Variants in NRXN3 observed in about 807,000 individuals in gnomAD.
NRXN3 encodes neurexin 3, also known as neurexin III.
In NRXN3, 32 loss-of-function variants were observed where a neutral mutation model predicts 137.6. The ratio of observed to expected loss-of-function variants is 0.23; its 90% CI spans 0.18 to 0.31. NRXN3 has a LOEUF of 0.31. Ranked by LOEUF, NRXN3 falls within the 10% of genes least tolerant of loss-of-function variation. The pLI is 1.00. For synonymous variants in NRXN3, 798 were observed against 784.5 expected (o/e 1.02, Z -0.29); for missense variants, 1,574 against 2,062.5 (o/e 0.76, Z 4.59).
intron 15 of NRXN3, among the ~76,000 whole-genome samples, chr14:79,034,087 G>T (rs1427942030): frequency 6.6e-6 from 1 of 151,938 alleles, no homozygotes; most frequent in East Asian, 1.9e-4. Context: ...AAACCCCAGG[G>T]TCACTTAATT....
At chr14:79,271,484 C>T (rs925845852) in intron 15 of NRXN3, among the ~76,000 whole-genome samples, 4 of 133,788 alleles carry the variant, frequency 3.0e-5, no homozygotes, top group Non-Finnish European at 6.4e-5. Context: ...CTTACCTTCC[C>T]CCTTCCTGTC....
chr14:79,432,118 C>T (rs1391185044), intron 15 of NRXN3, among the ~76,000 whole-genome samples: 1 of 3,404 alleles, frequency 2.9e-4, no homozygotes, highest in Non-Finnish European at 9.6e-4. Flanking sequence ...TATCTCATCT[C>T]AATCATTTTT....
At chr14:78,494,487 G>C (rs1212402534) in intron 4 of NRXN3, among the ~76,000 whole-genome samples, 1 of 137,466 alleles carries the variant, frequency 7.3e-6, no homozygotes, top group Non-Finnish European at 1.5e-5. Context: ...AAAAATGTCT[G>C]AGTCACCAGA....
At chr14:78,398,214 C>T (rs1400078865) in intron 4 of NRXN3, among the ~76,000 whole-genome samples, 4 of 128,218 alleles carry the variant, frequency 3.1e-5, no homozygotes, top group Non-Finnish European at 3.3e-5. Flanking sequence ...AACTCTGTTT[C>T]AAAAAAAAAA....
intron 10 of NRXN3, among the ~76,000 whole-genome samples, chr14:78,835,039 T>G (rs1346772440): frequency 6.6e-6 from 1 of 152,152 alleles, no homozygotes; most frequent in Non-Finnish European, 1.5e-5. Context: ...TTCTCTGTAT[T>G]GTGTATCACT....
At chr14:78,710,974 A>T (rs2098402319) in intron 7 of NRXN3, among the ~76,000 whole-genome samples, 1 of 152,170 alleles carries the variant, frequency 6.6e-6, no homozygotes, top group African/African-American at 2.4e-5. Context: ...AACACCCAAA[A>T]AATTAATTTC....
chr14:78,186,431 A>C (rs1484677987), intron 1 of NRXN3, among the ~76,000 whole-genome samples: 1 of 152,204 alleles, frequency 6.6e-6, no homozygotes, highest in Non-Finnish European at 1.5e-5. Flanking sequence ...GTGTACATGC[A>C]TAGCTCCTCT....
intron 4 of NRXN3, among the ~76,000 whole-genome samples, chr14:78,462,090 C>T (rs73316456): frequency 0.022 from 3,289 of 152,278 alleles, 113 homozygotes; most frequent in African/African-American, 0.072. Context: ...AAGCCCCAAG[C>T]ACAATGCCTG....
At chr14:78,229,366 T>A (rs536251215) in intron 1 of NRXN3, among the ~76,000 whole-genome samples, 1 of 152,164 alleles carries the variant, frequency 6.6e-6, no homozygotes, top group East Asian at 1.9e-4. Context: ...GTCCTGATAG[T>A]TGAGCTGTAG....
At chr14:79,763,116 C>T (rs150994721) in intron 19 of NRXN3, among the ~76,000 whole-genome samples, 36 of 150,784 alleles carry the variant, frequency 2.4e-4, no homozygotes, top group African/African-American at 6.2e-4. Context: ...TGAGAACATA[C>T]GGTGTTTGGT....
At chr14:79,830,510 TA>T (rs2099320039) in intron 20 of NRXN3, among the ~76,000 whole-genome samples, 1 of 152,130 alleles carries the variant, frequency 6.6e-6, no homozygotes, top group Non-Finnish European at 1.5e-5. Context: ...CTTCCACAAG[TA>T]CCCAATTAGT....
intron 17 of NRXN3, among the ~76,000 whole-genome samples, chr14:79,669,838 G>GAAAC (rs928777631): frequency 9.2e-5 from 14 of 152,088 alleles, no homozygotes; most frequent in African/African-American, 2.6e-4. Flanking sequence ...TGTAAATTGA[G>GAAAC]AAACACTGGC....
intron 15 of NRXN3, among the ~76,000 whole-genome samples, chr14:79,085,904 T>C (rs754698870): frequency 1.1e-4 from 16 of 152,200 alleles, no homozygotes; most frequent in Non-Finnish European, 2.1e-4. Flanking sequence ...TCAGCTGGAA[T>C]GATTCTGATG....
At chr14:78,376,920 A>G (rs2087961790) in intron 4 of NRXN3, among the ~76,000 whole-genome samples, 1 of 152,246 alleles carries the variant, frequency 6.6e-6, no homozygotes, top group South Asian at 2.1e-4. Flanking sequence ...AAAGCTACAC[A>G]AAAAGATATA....
chr14:78,685,753 C>T (rs1164773997), intron 6 of NRXN3, among the ~76,000 whole-genome samples: 3 of 150,866 alleles, frequency 2.0e-5, no homozygotes, highest in East Asian at 3.9e-4. Flanking sequence ...CTGCCTTAGC[C>T]TCTTGAGTAG....
intron 14 of NRXN3, among the ~76,000 whole-genome samples, chr14:78,978,524 G>T (rs1045191574): frequency 1.3e-5 from 2 of 151,906 alleles, no homozygotes; most frequent in African/African-American, 4.8e-5. Flanking sequence ...CTTCAGAAAA[G>T]CCAAGGGGAC....
At chr14:78,501,540 C>CA (rs1444252812) in intron 4 of NRXN3, among the ~76,000 whole-genome samples, 3 of 152,036 alleles carry the variant, frequency 2.0e-5, no homozygotes, top group Non-Finnish European at 4.4e-5. Flanking sequence ...GTATTCTATT[C>CA]AAAAAAAGCT....
At chr14:78,718,841 G>A (rs762646428) in intron 8 of NRXN3, among the ~76,000 whole-genome samples, 16 of 152,140 alleles carry the variant, frequency 1.1e-4, no homozygotes, top group Non-Finnish European at 1.8e-4. Context: ...AAACAGCAAA[G>A]GCCTGTTTTA....
chr14:79,739,132 A>G (rs2098951954), intron 19 of NRXN3, among the ~76,000 whole-genome samples: 1 of 152,216 alleles, frequency 6.6e-6, no homozygotes, highest in African/African-American at 2.4e-5. Context: ...TTCTGAAACT[A>G]TCATTGCCTG....
Sources: gnomAD v4.1 joint callset for allele counts (sites outside exome capture counted in the v4.1 genomes callset) on GRCh38, gnomAD v4.1.1 for gene constraint, MANE v1.5 for transcripts, NCBI Gene and HGNC (gene_info 2026-07-23, HGNC 2026-07-21) for gene names.